The following KCNB2 variants were observed in gnomAD, a reference collection of about 807,000 sequenced individuals.
KCNB2 encodes delayed rectifier potassium channel protein.
In KCNB2, 15 loss-of-function variants were observed where a neutral mutation model predicts 61.5. The observed-to-expected ratio is 0.24, with a 90% CI of 0.16 to 0.38. The LOEUF is 0.38. Ranked by LOEUF, KCNB2 falls within the 10% of genes least tolerant of loss-of-function variation. The pLI is 1.00. For synonymous variants in KCNB2, 457 were observed against 446.0 expected (o/e 1.02, Z -0.31); for missense variants, 828 against 1,125.2 (o/e 0.74, Z 3.78).
At chr8:72,587,827 G>A (rs545186326) in intron 2 of KCNB2, among the ~76,000 whole-genome samples, 1 of 152,244 alleles carries the variant, frequency 6.6e-6, no homozygotes, top group East Asian at 1.9e-4. Flanking sequence ...AGTTGTTAAG[G>A]TTATTACATC....
chr8:72,626,317 G>A (rs79192593), intron 2 of KCNB2, among the ~76,000 whole-genome samples: 1,646 of 152,306 alleles, frequency 0.011, 18 homozygotes, highest in African/African-American at 0.037. Context: ...GGGACCAGGA[G>A]CCTGTACTGT....
chr8:72,928,999 A>G (rs1445574245), intron 2 of KCNB2, among the ~76,000 whole-genome samples: 1 of 152,140 alleles, frequency 6.6e-6, no homozygotes. Context: ...ACACATCTCC[A>G]GCATTTCTTA....
intron 2 of KCNB2, among the ~76,000 whole-genome samples, chr8:72,908,767 T>A (rs538023523): frequency 6.6e-6 from 1 of 152,322 alleles, no homozygotes; most frequent in African/African-American, 2.4e-5. Flanking sequence ...CTCTGCTTCC[T>A]TGGAAGAGTA....
intron 2 of KCNB2, among the ~76,000 whole-genome samples, chr8:72,772,506 A>G (rs967172623): frequency 1.3e-5 from 2 of 152,202 alleles, no homozygotes; most frequent in Non-Finnish European, 2.9e-5. Flanking sequence ...TGAAAAGCCA[A>G]GTATAGGATT....
At chr8:72,893,450 C>G (rs941996683) in intron 2 of KCNB2, among the ~76,000 whole-genome samples, 12 of 152,074 alleles carry the variant, frequency 7.9e-5, no homozygotes, top group Non-Finnish European at 8.8e-5. Context: ...AAAAAAACTT[C>G]CATGTTTAGT....
chr8:72,597,302 G>A (rs1293336716), intron 2 of KCNB2, among the ~76,000 whole-genome samples: 1 of 152,180 alleles, frequency 6.6e-6, no homozygotes, highest in East Asian at 1.9e-4. Flanking sequence ...CCAAAGTGCT[G>A]GGATTACAGG....
At chr8:72,756,650 G>A (rs2128996105) in intron 2 of KCNB2, among the ~76,000 whole-genome samples, 1 of 152,306 alleles carries the variant, frequency 6.6e-6, no homozygotes, top group East Asian at 1.9e-4. Flanking sequence ...CACAGTAGAG[G>A]AAAGTAGGGA....
chr8:72,719,569 A>G (rs1164649933), intron 2 of KCNB2, among the ~76,000 whole-genome samples: 1 of 152,126 alleles, frequency 6.6e-6, no homozygotes, highest in East Asian at 1.9e-4. Context: ...AAAAAACTCT[A>G]GATTACCTCT....
intron 2 of KCNB2, among the ~76,000 whole-genome samples, chr8:72,706,044 A>T (rs1356032860): frequency 4.6e-5 from 7 of 152,220 alleles, no homozygotes; most frequent in Non-Finnish European, 8.8e-5. Context: ...AGCCAACAGC[A>T]GACCTGGCTA....
At chr8:72,757,962 C>T (rs753141385) in intron 2 of KCNB2, among the ~76,000 whole-genome samples, 112 of 152,310 alleles carry the variant, frequency 7.4e-4, no homozygotes, top group Non-Finnish European at 1.5e-3. Context: ...GTGGGGTGTG[C>T]ATGGCATGGC....
intron 2 of KCNB2, among the ~76,000 whole-genome samples, chr8:72,813,863 C>CT (rs563685866): frequency 2.4e-4 from 36 of 151,738 alleles, no homozygotes; most frequent in Non-Finnish European, 4.0e-4. Flanking sequence ...TTTTCTTCTT[C>CT]TTTTTTATTA....
In KCNB2 at chr8:72,937,282, C is replaced by T; in HGVS notation, c.1927C>T (p.His643Tyr). ...FPTDLPGTEEHQRARGPPFLT... is the reference protein window; with the variant it reads ...FPTDLPGTEEYQRARGPPFLT... The stretch of plus-strand genomic sequence containing the variant: ...AACCGACCTCCCAGGGACAGAAGAG[C>T]ACCAAAGAGCTAGGGGCCCCCCGTT... Residue 643 changes from histidine to tyrosine, a missense_variant, in exon 3 of 3, where the codon CAC becomes TAC. Transcript: ENST00000523207. The T allele has an allele frequency of 1.2e-6, 2 of 1,613,962 alleles. No individual in the cohort carries two copies. The highest frequency in any genetic ancestry group is 1.7e-6 in the Non-Finnish European group (2 of 1,180,002).
chr8:72,725,591 GTATA>G (rs60157669), intron 2 of KCNB2, among the ~76,000 whole-genome samples: 1,665 of 51,840 alleles, frequency 0.032, 33 homozygotes, highest in Middle Eastern at 0.057. Flanking sequence ...ATATATGTAT[GTATA>G]TATATATATA....
intron 2 of KCNB2, among the ~76,000 whole-genome samples, chr8:72,599,729 A>G (rs1427356475): frequency 6.6e-6 from 1 of 152,136 alleles, no homozygotes; most frequent in Non-Finnish European, 1.5e-5. Flanking sequence ...GAATCTACAA[A>G]GAACTCAAAC....
At chr8:72,644,324 G>T (rs1468242120) in intron 2 of KCNB2, among the ~76,000 whole-genome samples, 1 of 152,064 alleles carries the variant, frequency 6.6e-6, no homozygotes, top group East Asian at 1.9e-4. Flanking sequence ...GAATTGTGCT[G>T]CTGAGTGATA....
chr8:72,621,764 A>G (rs984131624), intron 2 of KCNB2, among the ~76,000 whole-genome samples: 6 of 152,178 alleles, frequency 3.9e-5, no homozygotes, highest in Admixed American at 3.3e-4. Context: ...AAAATTCTCA[A>G]TGAATTACAC....
intron 2 of KCNB2, among the ~76,000 whole-genome samples, chr8:72,770,638 A>T (rs1413047535): frequency 6.6e-6 from 1 of 152,212 alleles, no homozygotes; most frequent in Non-Finnish European, 1.5e-5. Flanking sequence ...GATCTCTAAA[A>T]TAAGAAATAA....
chr8:72,883,352 C>T (rs990350029), intron 2 of KCNB2, among the ~76,000 whole-genome samples: 10 of 152,224 alleles, frequency 6.6e-5, no homozygotes, highest in African/African-American at 1.2e-4. Flanking sequence ...CTGCTGTCCT[C>T]AGTTATCCAC....
intron 2 of KCNB2, among the ~76,000 whole-genome samples, chr8:72,898,113 C>G (rs1806021864): frequency 3.3e-5 from 5 of 152,060 alleles, no homozygotes; most frequent in South Asian, 2.1e-4. Flanking sequence ...ATTCATTTCT[C>G]TATGGAATTC....
Sources: gnomAD v4.1 joint callset for allele counts (sites outside exome capture counted in the v4.1 genomes callset) on GRCh38, gnomAD v4.1.1 for gene constraint, MANE v1.5 for transcripts, NCBI Gene and HGNC (gene_info 2026-07-23, HGNC 2026-07-21) for gene names.